The following FIGN variants were observed in gnomAD, a reference collection of about 807,000 sequenced individuals.
FIGN encodes fidgetin, microtubule severing factor.
FIGN carries 11 observed loss-of-function variants against 51.3 expected under a neutral mutation model. The observed-to-expected ratio is 0.21, with a 90% CI of 0.13 to 0.35. FIGN has a LOEUF of 0.35. Among genes scored for constraint, FIGN ranks in the 10% least tolerant of loss-of-function variants. The pLI, the probability that FIGN is intolerant of heterozygous loss-of-function variation, is 1.00. For synonymous variants in FIGN, 407 were observed against 363.2 expected (o/e 1.12, Z -1.37); for missense variants, 857 against 943.6 (o/e 0.91, Z 1.20).
intron 2 of FIGN, among the ~76,000 whole-genome samples, chr2:163,688,628 T>G (rs535770782): frequency 6.6e-6 from 1 of 152,226 alleles, no homozygotes; most frequent in South Asian, 2.1e-4. Flanking sequence ...GCAGTGAATG[T>G]TGGGAGCTAC....
At chr2:163,674,965 A>T (rs976111803) in intron 2 of FIGN, among the ~76,000 whole-genome samples, 6 of 152,224 alleles carry the variant, frequency 3.9e-5, no homozygotes, top group Admixed American at 1.3e-4. Context: ...GCTCTGACAA[A>T]TTTAAAGTAA....
chr2:163,712,458 A>G (rs927446141), intron 2 of FIGN, among the ~76,000 whole-genome samples: 2 of 152,250 alleles, frequency 1.3e-5, no homozygotes, highest in African/African-American at 4.8e-5. Flanking sequence ...ACTTTATATC[A>G]ATTACTCTCA....
At chr2:163,681,075 C>T (rs1301248869) in intron 2 of FIGN, among the ~76,000 whole-genome samples, 3 of 152,216 alleles carry the variant, frequency 2.0e-5, no homozygotes, top group East Asian at 1.9e-4. Context: ...AAGTAACTTG[C>T]CCATGTTCAC....
rs530900383 is a variant in FIGN, at chr2:163,682,105, C to T, written c.25+52798G>A. On this transcript the variant is annotated intron_variant, in intron 2 of 2. Transcript: ENST00000333129. ...TCTGGCAGACACCAAATTATTTAAT[C>T]TACTTTCTTTTCCTGTTGCAATCTT... Among the ~76,000 whole-genome samples the T allele has an allele frequency of 2.0e-5, 3 of 152,262 alleles. No individual in the cohort carries two copies. In the South Asian group the frequency reaches 6.2e-4, roughly 32 times the overall value.
At chr2:163,660,005 G>C (rs1412631133) in intron 2 of FIGN, among the ~76,000 whole-genome samples, 3 of 152,074 alleles carry the variant, frequency 2.0e-5, no homozygotes, top group African/African-American at 7.2e-5. Context: ...GGTGGCTGAG[G>C]CATGAGAAGA....
chr2:163,637,506 A>G (rs1683244314), intron 2 of FIGN, among the ~76,000 whole-genome samples: 1 of 152,158 alleles, frequency 6.6e-6, no homozygotes, highest in Non-Finnish European at 1.5e-5. Flanking sequence ...AGTGCCTCTC[A>G]CTTAGAAGAG....
At chr2:163,647,461 T>G (rs548797347) in intron 2 of FIGN, among the ~76,000 whole-genome samples, 3 of 152,214 alleles carry the variant, frequency 2.0e-5, no homozygotes, top group African/African-American at 7.2e-5. Flanking sequence ...TCCACTAGAT[T>G]AGAGATATGG....
chr2:163,680,708 C>T (rs1215803505), intron 2 of FIGN, among the ~76,000 whole-genome samples: 1 of 152,008 alleles, frequency 6.6e-6, no homozygotes, highest in Admixed American at 6.6e-5. Context: ...TGCTTCCCCC[C>T]AATCTTCCCC....
chr2:163,618,906 A>G (rs1332331272), intron 2 of FIGN, among the ~76,000 whole-genome samples: 1 of 152,164 alleles, frequency 6.6e-6, no homozygotes, highest in Non-Finnish European at 1.5e-5. Flanking sequence ...TCTAAAAGTT[A>G]AAAACATTTT....
intron 2 of FIGN, among the ~76,000 whole-genome samples, chr2:163,637,876 T>C (rs1050290097): frequency 2.6e-5 from 4 of 152,086 alleles, no homozygotes; most frequent in Non-Finnish European, 5.9e-5. Context: ...AAAAATAAAA[T>C]TGAAGTGCCA....
At chr2:163,615,683 C>A (rs980106902) in intron 2 of FIGN, among the ~76,000 whole-genome samples, 3 of 152,096 alleles carry the variant, frequency 2.0e-5, no homozygotes, top group African/African-American at 7.2e-5. Context: ...GGTTTCTCTT[C>A]AGAACATGGA....
In FIGN at chr2:163,695,067, G is replaced by C. The variant is rs557339747; in HGVS notation, c.25+39836C>G. Among the ~76,000 whole-genome samples, 43 of 137,872 alleles carry C rather than the reference G, an allele frequency of 3.1e-4. No homozygotes were observed. In the South Asian group the frequency reaches 9.5e-3, roughly 30 times the overall value. The allele number at this position is 137,872 out of a possible 152,430, so 90.4% of individuals were successfully genotyped here. ...ACATATCCCTTGCTGTTTTGAGCTC[G>C]GTGTCTCTGTCTCTTCTGACATTAA... On this transcript the variant is annotated intron_variant, in intron 2 of 2. Transcript: ENST00000333129.
At chr2:163,614,841 G>A (rs1470557715) in intron 2 of FIGN, among the ~76,000 whole-genome samples, 1 of 151,838 alleles carries the variant, frequency 6.6e-6, no homozygotes, top group African/African-American at 2.4e-5. Context: ...CACAGGAGGT[G>A]GGAACCCCCC....
chr2:163,645,126 A>G (rs1683362288), intron 2 of FIGN, among the ~76,000 whole-genome samples: 1 of 152,244 alleles, frequency 6.6e-6, no homozygotes, highest in South Asian at 2.1e-4. Context: ...AAAAAATTAC[A>G]TATCAGATGA....
intron 2 of FIGN, among the ~76,000 whole-genome samples, chr2:163,721,528 A>G (rs1046654650): frequency 6.6e-6 from 1 of 152,150 alleles, no homozygotes; most frequent in South Asian, 2.1e-4. Flanking sequence ...TCTACCTTCA[A>G]TGTACTGTCC....
intron 2 of FIGN, among the ~76,000 whole-genome samples, chr2:163,637,781 A>G (rs1240078747): frequency 3.9e-5 from 6 of 152,078 alleles, no homozygotes; most frequent in Non-Finnish European, 7.3e-5. Flanking sequence ...GTAAAATGCT[A>G]TGTAAGTAAC....
intron 2 of FIGN, among the ~76,000 whole-genome samples, chr2:163,671,462 G>T (rs77427542): frequency 0.01 from 1,553 of 152,162 alleles, 24 homozygotes; most frequent in African/African-American, 0.036. Flanking sequence ...TGATATCTTG[G>T]GACAAACTAC....
chr2:163,723,063 C>A (rs1481848775), intron 2 of FIGN, among the ~76,000 whole-genome samples: 1 of 151,722 alleles, frequency 6.6e-6, no homozygotes, highest in Non-Finnish European at 1.5e-5. Context: ...TGGTGGCAGA[C>A]GCCTGTAGTC....
Position 163,609,988 on chromosome 2 carries a change from G to A in FIGN, c.1844C>T (p.Thr615Ile), listed in dbSNP as rs1243172277. The A allele has an allele frequency of 1.2e-6, 2 of 1,613,948 alleles. No homozygotes were observed. Among genetic ancestry groups the A allele is most frequent in the Non-Finnish European group, 1.7e-6 (2 of 1,180,028 alleles). The change falls in exon 3 of 3, where the codon ACT becomes ATT. Residue 615 changes from threonine (T) to isoleucine (I), a missense_variant. Physicochemically the swap from Thr to Ile is moderately conservative, Grantham distance 89. Coordinates refer to ENST00000333129, the MANE Select transcript of FIGN (RefSeq NM_018086.4). ...MRTEFLMQLD[T>I]VLTSAEDQIV... ...TTGGTCCTCAGCCGAAGTTAGTACA[G>A]TGTCCAGTTGCATCAGAAATTCGGT...
Sources: gnomAD v4.1 joint callset for allele counts (sites outside exome capture counted in the v4.1 genomes callset) on GRCh38, gnomAD v4.1.1 for gene constraint, MANE v1.5 for transcripts, NCBI Gene and HGNC (gene_info 2026-07-23, HGNC 2026-07-21) for gene names.